Variants in LPGAT1 observed in about 807,000 individuals in gnomAD.
LPGAT1 encodes acyl-CoA:lysophosphatidylglycerol acyltransferase 1.
LPGAT1 carries 11 observed loss-of-function variants against 47.5 expected under a neutral mutation model. That is an observed-to-expected ratio of 0.23 (90% CI 0.15 to 0.38). The LOEUF (loss-of-function observed/expected upper bound fraction) is 0.38, where lower values mean the gene tolerates loss of function less well. LPGAT1 is among the 10% of genes least tolerant of loss of function. The pLI, the probability that LPGAT1 is intolerant of heterozygous loss-of-function variation, is 1.00. For synonymous variants in LPGAT1, 138 were observed against 144.2 expected, an observed-to-expected ratio of 0.96 and a Z score of 0.31; for missense variants, 293 against 439.0, an observed-to-expected ratio of 0.67 and a Z score of 2.97.
At chr1:211,821,913 A>G (rs113956677) in intron 2 of LPGAT1, among the ~76,000 whole-genome samples, 325 of 152,366 alleles carry the variant, frequency 2.1e-3, no homozygotes, top group African/African-American at 7.4e-3. Context: ...CATAAAATAC[A>G]ATGGCAGAAC....
chr1:211,751,040 C>T lies in LPGAT1; in HGVS notation c.882G>A (p.Leu294=). The T allele has an allele frequency of 6.2e-7, 1 of 1,613,236 alleles. No homozygotes were observed. Among genetic ancestry groups the T allele is most frequent in the Non-Finnish European group, 8.5e-7 (1 of 1,179,346 alleles). ...GCCAAGTGGTAAGGTCATCAGTCTCCAGGGGTACATCTTTAATTGGAAAGA... is the reference window on the plus strand; with the variant it reads ...GCCAAGTGGTAAGGTCATCAGTCTCTAGGGGTACATCTTTAATTGGAAAGA... ...YRIFPIKDVP[L]ETDDLTTWLY... Residue 294 remains leucine (L), a synonymous_variant, in exon 7 of 8, where the codon CTG becomes CTA. Coordinates refer to ENST00000366997, the MANE Select transcript of LPGAT1 (RefSeq NM_014873.3).
Position 211,830,479 on chromosome 1 carries a change from C to A in LPGAT1, c.-28+94G>T. 1 of 1,186,434 alleles carries A rather than the reference C, an allele frequency of 8.4e-7. No individual in the cohort carries two copies. Among genetic ancestry groups the A allele is most frequent in the Non-Finnish European group, 1.0e-6 (1 of 956,904 alleles). 73.5% of individuals were successfully genotyped at this position (1,186,434 alleles called of 1,614,324 possible). A position where few individuals can be genotyped will look rare whatever the true frequency, so the allele number is the denominator to read the frequency against. On this transcript the variant is annotated intron_variant, in intron 1 of 7. Coordinates refer to ENST00000366997, the MANE Select transcript of LPGAT1 (RefSeq NM_014873.3). The surrounding 1 kb of genome is among the most constrained non-coding windows in gnomAD (Gnocchi z 5.9). ...AGGCCGCTGCCGCCTCCCCGGGCCA[C>A]GCGACGACGACACCCCCTTCCCCGC...
chr1:211,815,782 T>C (rs912418182), intron 2 of LPGAT1, among the ~76,000 whole-genome samples: 6 of 140,240 alleles, frequency 4.3e-5, no homozygotes, highest in Non-Finnish European at 7.8e-5. Flanking sequence ...TCTTTTTTTT[T>C]TTTTTTTTTT....
At chr1:211,829,771 C>G (rs1339058856) in intron 1 of LPGAT1, 2 of 993,940 alleles carry the variant, frequency 2.0e-6, no homozygotes, top group South Asian at 4.5e-5. Flanking sequence ...CTCACCACCA[C>G]GATTCCTGCA....
chr1:211,750,074 A>T (rs1460367659), intron 7 of LPGAT1, 24 bp from the exon 8 acceptor site: 1 of 1,605,716 alleles, frequency 6.2e-7, no homozygotes, highest in South Asian at 1.1e-5. Flanking sequence ...TAGAAATATT[A>T]GTTTGTTTTA....
At chr1:211,803,022 G>A (rs1487328696) in intron 2 of LPGAT1, 1 of 152,042 alleles carries the variant, frequency 6.6e-6, no homozygotes, top group East Asian at 1.9e-4. Context: ...AGAAAGGCTG[G>A]TCTAAAGGTA....
intron 2 of LPGAT1, chr1:211,793,401 CATTA>C (rs1163097127): frequency 1.9e-4 from 30 of 161,102 alleles, no homozygotes; most frequent in Non-Finnish European, 3.3e-4. Context: ...ATAAAATTAT[CATTA>C]TTTATTTATT....
intron 6 of LPGAT1, among the ~76,000 whole-genome samples, chr1:211,772,303 A>G (rs1204341600): frequency 3.9e-5 from 6 of 152,172 alleles, no homozygotes; most frequent in Non-Finnish European, 7.3e-5. Flanking sequence ...TTCCTCCTAT[A>G]ACTACACTGT....
At chr1:211,784,965 G>A (rs746314465) in intron 4 of LPGAT1, among the ~76,000 whole-genome samples, 14 of 151,762 alleles carry the variant, frequency 9.2e-5, no homozygotes, top group African/African-American at 1.7e-4. Context: ...CACCACACCC[G>A]GCTAATTTTT....
At position 211,745,325 on chromosome 1, in the gene LPGAT1, G is replaced by T. The variant is rs944009115; in HGVS notation, c.*4574C>A. The stretch of plus-strand genomic sequence containing the variant: ...AATACAATTTTATAATAACTGTAAA[G>T]AAAATGAAAGCACTTAATAAAAATA... On this transcript the variant is annotated 3_prime_UTR_variant, in exon 8 of 8. Transcript: ENST00000366997. 9.2e-5 allele frequency: 14 copies of T among 152,200 alleles called. No homozygotes were observed. Among genetic ancestry groups the T allele is most frequent in the Admixed American group, 7.2e-4 (11 of 15,280 alleles). 9.4% of individuals were successfully genotyped at this position (152,200 alleles called of 1,614,324 possible). A position where few individuals can be genotyped will look rare whatever the true frequency, so the allele number is the denominator to read the frequency against.
chr1:211,813,837 T>A (rs12565546), intron 2 of LPGAT1, among the ~76,000 whole-genome samples: 13,192 of 152,096 alleles, frequency 0.087, 664 homozygotes, highest in Admixed American at 0.15. Context: ...GTAAGGTACA[T>A]GAAAGAAGAA....
At chr1:211,807,700 C>A (rs986483100) in intron 2 of LPGAT1, among the ~76,000 whole-genome samples, 6 of 152,074 alleles carry the variant, frequency 3.9e-5, no homozygotes, top group Admixed American at 1.3e-4. Context: ...AAAATGTGAA[C>A]CTTGACCCAA....
At chr1:211,792,892 A>C (rs963871553) in intron 3 of LPGAT1, among the ~76,000 whole-genome samples, 180 bp downstream of exon 3, 5 of 151,844 alleles carry the variant, frequency 3.3e-5, no homozygotes, top group African/African-American at 1.2e-4. Context: ...CTGTATTTTT[A>C]GTAGAGATGG....
chr1:211,749,524 G>A lies in LPGAT1; in HGVS notation c.*375C>T. ...GAGAACTGCCCTAATATAGACTACAGCTAAGAGGGATGAATATAACTTTCT... is the reference window on the plus strand; with the variant it reads ...GAGAACTGCCCTAATATAGACTACAACTAAGAGGGATGAATATAACTTTCT... On this transcript the variant is annotated 3_prime_UTR_variant, in exon 8 of 8. Transcript: ENST00000366997. 1 of 249,148 alleles carries A rather than the reference G, an allele frequency of 4.0e-6. No individual in the cohort carries two copies. The highest frequency in any genetic ancestry group is 1.5e-4 in the East Asian group (1 of 6,658). 15.4% of individuals were successfully genotyped at this position (249,148 alleles called of 1,614,324 possible). A position where few individuals can be genotyped will look rare whatever the true frequency, so the allele number is the denominator to read the frequency against.
At chr1:211,824,627 G>C (rs1660477825) in intron 2 of LPGAT1, among the ~76,000 whole-genome samples, 1 of 152,070 alleles carries the variant, frequency 6.6e-6, no homozygotes, top group Non-Finnish European at 1.5e-5. Context: ...CCTCTCAAAT[G>C]TTGACTGCAC....
At chr1:211,827,714 G>A (rs1478129297) in intron 2 of LPGAT1, among the ~76,000 whole-genome samples, 3 of 152,092 alleles carry the variant, frequency 2.0e-5, no homozygotes, top group South Asian at 2.1e-4. Context: ...TTAGAACTTC[G>A]TTTTTTCTCT....
chr1:211,786,025 A>G (rs1173109347), intron 4 of LPGAT1, among the ~76,000 whole-genome samples: 1 of 152,180 alleles, frequency 6.6e-6, no homozygotes, highest in Non-Finnish European at 1.5e-5. Flanking sequence ...CGGATCCCTG[A>G]GACTGCTAAG....
intron 7 of LPGAT1, 78 bp downstream of exon 7, chr1:211,750,883 T>C (rs1657148636): frequency 3.8e-6 from 4 of 1,049,472 alleles, no homozygotes; most frequent in African/African-American, 1.6e-5. Context: ...CAAGATCTAA[T>C]ATGCAAACAG....
Position 211,830,480 on chromosome 1 carries a change from GCGA to G in LPGAT1, c.-28+90_-28+92del. The G allele has an allele frequency of 1.7e-6, 2 of 1,183,438 alleles. No individual in the cohort carries two copies. Among genetic ancestry groups the G allele is most frequent in the East Asian group, 3.6e-5 (1 of 27,928 alleles). The allele number at this position is 1,183,438 out of a possible 1,614,324, so 73.3% of individuals were successfully genotyped here. On this transcript the variant is annotated intron_variant, in intron 1 of 7. Coordinates refer to ENST00000366997, the MANE Select transcript of LPGAT1 (RefSeq NM_014873.3). This position sits in a 1 kb window ranked among gnomAD's most constrained non-coding sequence, Gnocchi z 5.9. ...GGCCGCTGCCGCCTCCCCGGGCCAC[GCGA>G]CGACGACACCCCCTTCCCCGCCCCC... is the stretch of plus-strand genomic sequence containing the variant.
Sources: gnomAD v4.1 joint callset for allele counts (sites outside exome capture counted in the v4.1 genomes callset) on GRCh38, gnomAD v4.1.1 for gene constraint, Gnocchi (gnomAD v3.1) non-coding constraint, MANE v1.5 for transcripts, NCBI Gene and HGNC (gene_info 2026-07-23, HGNC 2026-07-21) for gene names.